The following FAM110B variants were observed in gnomAD, a reference collection of about 807,000 sequenced individuals.
The protein encoded by FAM110B is family with sequence similarity 110 member B.
A neutral mutation model predicts 20.4 loss-of-function variants in FAM110B; 6 were observed. The ratio of observed to expected loss-of-function variants is 0.29; its 90% CI spans 0.16 to 0.58. The LOEUF (loss-of-function observed/expected upper bound fraction) is 0.58, where lower values mean the gene tolerates loss of function less well. Ranked by LOEUF, FAM110B falls within the 20% of genes least tolerant of loss-of-function variation. The probability of loss-of-function intolerance (pLI) is 0.90; values close to 1 mark genes in which losing one functional copy is unlikely to be tolerated. For synonymous variants in FAM110B, 226 were observed against 214.1 expected (o/e 1.06, Z -0.49); for missense variants, 434 against 498.2 (o/e 0.87, Z 1.23).
chr8:58,070,148 C>A (rs1438416404), intron 2 of FAM110B: 1 of 152,320 alleles, frequency 6.6e-6, no homozygotes. Context: ...GCCTTTTCCT[C>A]ATTGGTTGGT....
At chr8:58,083,552 A>G (rs1162880226) in intron 3 of FAM110B, among the ~76,000 whole-genome samples, 2 of 152,166 alleles carry the variant, frequency 1.3e-5, no homozygotes, top group African/African-American at 4.8e-5. Context: ...ATATTCAGAG[A>G]TTCAATTATT....
intron 1 of FAM110B, among the ~76,000 whole-genome samples, chr8:57,999,510 C>A (rs567806640): frequency 6.6e-6 from 1 of 151,084 alleles, no homozygotes; most frequent in Admixed American, 6.6e-5. Flanking sequence ...CGATCATTCT[C>A]GCCAGTGATT....
At chr8:58,128,413 T>C (rs1232798763) in intron 3 of FAM110B, among the ~76,000 whole-genome samples, 1 of 152,174 alleles carries the variant, frequency 6.6e-6, no homozygotes, top group Non-Finnish European at 1.5e-5. Flanking sequence ...ATCACTGTAA[T>C]CCTTACATCA....
At chr8:58,045,981 G>C (rs759304351) in intron 2 of FAM110B, among the ~76,000 whole-genome samples, 2 of 152,174 alleles carry the variant, frequency 1.3e-5, no homozygotes, top group African/African-American at 2.4e-5. Context: ...GGACAAGGCA[G>C]CTCTCTGGGG....
At chr8:58,116,107 CA>C (rs1807205834) in intron 3 of FAM110B, among the ~76,000 whole-genome samples, 1 of 152,204 alleles carries the variant, frequency 6.6e-6, no homozygotes, top group Non-Finnish European at 1.5e-5. Flanking sequence ...TACATACATG[CA>C]TGCATGCCTG....
chr8:58,056,050 C>G (rs1217993223), intron 2 of FAM110B, among the ~76,000 whole-genome samples: 2 of 152,174 alleles, frequency 1.3e-5, no homozygotes, highest in African/African-American at 4.8e-5. Flanking sequence ...AACCCTCTGT[C>G]TGTTGTGTAA....
intron 3 of FAM110B, among the ~76,000 whole-genome samples, chr8:58,126,621 G>GAT (rs1807512315): frequency 6.6e-6 from 1 of 152,020 alleles, no homozygotes; most frequent in South Asian, 2.1e-4. Context: ...AGTGTGTAGT[G>GAT]ATAGCTCATT....
chr8:58,005,001 C>G (rs1804371849), intron 1 of FAM110B, among the ~76,000 whole-genome samples: 1 of 152,206 alleles, frequency 6.6e-6, no homozygotes, highest in South Asian at 2.1e-4. Flanking sequence ...TCTTCAAGAA[C>G]TTTCCTTTGC....
chr8:58,038,423 A>G (rs779050725), intron 2 of FAM110B, among the ~76,000 whole-genome samples: 19 of 152,224 alleles, frequency 1.2e-4, no homozygotes, highest in Admixed American at 3.9e-4. Flanking sequence ...GTAAATAGCT[A>G]TAAGAATACA....
At chr8:58,074,492 C>T (rs930184896) in intron 2 of FAM110B, among the ~76,000 whole-genome samples, 1 of 152,222 alleles carries the variant, frequency 6.6e-6, no homozygotes, top group African/African-American at 2.4e-5. Flanking sequence ...CAGGATTTCA[C>T]TCTAATGGAG....
At chr8:58,091,799 G>C (rs974553711) in intron 3 of FAM110B, among the ~76,000 whole-genome samples, 6 of 152,156 alleles carry the variant, frequency 3.9e-5, no homozygotes, top group African/African-American at 1.2e-4. Flanking sequence ...TGGGTTACAA[G>C]GAACATGTGA....
At chr8:58,140,096 T>C (rs1158368391) in intron 3 of FAM110B, among the ~76,000 whole-genome samples, 2 of 152,112 alleles carry the variant, frequency 1.3e-5, no homozygotes, top group Admixed American at 1.3e-4. Flanking sequence ...AAGCCCAGGG[T>C]GCAGAGGAAG....
chr8:58,085,211 T>C lies in FAM110B; in HGVS notation c.-325+9588T>C, dbSNP rs1389857818. ...CTTCCTTTAATCAACTGAAGAGTCT[T>C]GTAAAGCTGATGCACATGTAGGCAG... On this transcript the variant is annotated intron_variant, in intron 3 of 3. Transcript: ENST00000519262. Among the ~76,000 whole-genome samples the C allele has an allele frequency of 3.3e-5, 5 of 152,318 alleles. No homozygotes were observed. The East Asian group carries it at 9.7e-4, about 29-fold the overall frequency.
At chr8:58,047,657 G>A (rs893950384) in intron 2 of FAM110B, among the ~76,000 whole-genome samples, 2 of 115,292 alleles carry the variant, frequency 1.7e-5, no homozygotes, top group African/African-American at 3.1e-5. Flanking sequence ...ATCAAGTCAC[G>A]GTCCTTAGTA....
At chr8:58,088,435 G>A (rs1002962487) in intron 3 of FAM110B, among the ~76,000 whole-genome samples, 3 of 152,094 alleles carry the variant, frequency 2.0e-5, no homozygotes, top group South Asian at 2.1e-4. Context: ...TGAATTCAAC[G>A]AAATGTGTTT....
In FAM110B at chr8:58,147,069, A is replaced by G. The variant is rs1252054362; in HGVS notation, c.839A>G (p.Tyr280Cys). The G allele has an allele frequency of 6.2e-7, 1 of 1,614,168 alleles. No homozygotes were observed. Among genetic ancestry groups the G allele is most frequent in the South Asian group, 1.1e-5 (1 of 91,082 alleles). ...VDADVERFFN[Y>C]CGLDPEELEN... ...GCGGACGTGGAGAGGTTCTTCAACT[A>G]CTGTGGACTGGACCCGGAAGAGCTG... Residue 280 changes from tyrosine (Y) to cysteine (C), a missense_variant, in exon 4 of 4, where the codon TAC becomes TGC. By Grantham distance (194) the Tyr-to-Cys change is radical (BLOSUM62 -2). Around this residue, in one of 3 missense-constraint regions of FAM110B, gnomAD observed 94 missense variants for 137.8 expected, o/e 0.68. Coordinates refer to ENST00000519262, the MANE Select transcript of FAM110B (RefSeq NM_001377989.1).
intron 1 of FAM110B, among the ~76,000 whole-genome samples, chr8:58,006,318 CTCT>C (rs1804399978): frequency 6.6e-6 from 1 of 152,216 alleles, no homozygotes; most frequent in Non-Finnish European, 1.5e-5. Flanking sequence ...TTTCCAACGG[CTCT>C]TCATCTGTTC....
At chr8:58,016,303 C>T (rs372238901) in intron 1 of FAM110B, among the ~76,000 whole-genome samples, 2 of 152,318 alleles carry the variant, frequency 1.3e-5, no homozygotes, top group South Asian at 2.1e-4. Context: ...TCAAATAATA[C>T]AGATTTTCTC....
At chr8:58,067,175 C>T (rs1805789221) in intron 2 of FAM110B, among the ~76,000 whole-genome samples, 1 of 152,164 alleles carries the variant, frequency 6.6e-6, no homozygotes, top group Non-Finnish European at 1.5e-5. Context: ...ATTCTGGAAA[C>T]ACAGCCTCAT....
Sources: allele counts gnomAD v4.1 joint callset (sites outside exome capture counted in the v4.1 genomes callset), GRCh38; gene constraint gnomAD v4.1.1; regional missense constraint gnomAD v4.1.1; transcripts MANE v1.5; gene names NCBI Gene and HGNC (gene_info 2026-07-23, HGNC 2026-07-21).